Variants in SHANK2 observed in about 807,000 individuals in gnomAD.
The protein encoded by SHANK2 is SH3 and multiple ankyrin repeat domains 2.
SHANK2 carries 43 observed loss-of-function variants against 133.7 expected under a neutral mutation model. The ratio of observed to expected loss-of-function variants is 0.32; its 90% CI spans 0.25 to 0.41. The LOEUF is 0.41. Among genes scored for constraint, SHANK2 ranks in the 10% least tolerant of loss-of-function variants. SHANK2 has a pLI of 1.00. For synonymous variants in SHANK2, 1,017 were observed against 952.8 expected (o/e 1.07, Z -1.24); for missense variants, 1,994 against 2,235.8 (o/e 0.89, Z 2.18).
chr11:71,090,102 TG>T (rs1951480389), intron 8 of SHANK2, among the ~76,000 whole-genome samples: 2 of 151,306 alleles, frequency 1.3e-5, no homozygotes, highest in Admixed American at 1.3e-4. Flanking sequence ...TGTGTGTGTG[TG>T]TGTGTGTGTG....
At chr11:70,746,988 C>T (rs1946653082) in intron 14 of SHANK2, among the ~76,000 whole-genome samples, 1 of 145,728 alleles carries the variant, frequency 6.9e-6, no homozygotes, top group South Asian at 2.3e-4. Context: ...TCCCTCCATC[C>T]CTGCACCCCC....
intron 10 of SHANK2, among the ~76,000 whole-genome samples, chr11:70,918,523 G>C (rs1354058884): frequency 2.0e-5 from 3 of 152,086 alleles, no homozygotes; most frequent in Non-Finnish European, 4.4e-5. Flanking sequence ...ATTTTTTTGA[G>C]ACAGAGTGTT....
At chr11:71,215,051 G>A (rs1210115860) in intron 2 of SHANK2, among the ~76,000 whole-genome samples, 1 of 152,158 alleles carries the variant, frequency 6.6e-6, no homozygotes. Context: ...CCCTTCAGCG[G>A]ACAGCTCCCT....
rs34452642 is a variant in SHANK2, at chr11:70,492,787, G to GTTTTTTTTTT, written c.2309-332_2309-323dup. Among the ~76,000 whole-genome samples, 3 of 70,594 alleles carry GTTTTTTTTTT rather than the reference G, an allele frequency of 4.2e-5. 1 individual carries two copies. Among genetic ancestry groups the GTTTTTTTTTT allele is most frequent in the East Asian group, 1.0e-3 (2 of 2,002 alleles). The allele number at this position is 70,594 out of a possible 152,430, so 46.3% of individuals were successfully genotyped here. ...TTTCTGTTTTTTGGGACATTTCTGT[G>GTTTTTTTTTT]TTTTTTTTTTTTTTTTTTTTTTTTT... On this transcript the variant is annotated intron_variant, in intron 21 of 25. Coordinates refer to ENST00000601538, the MANE Select transcript of SHANK2 (RefSeq NM_012309.5).
At chr11:70,556,457 C>G (rs2059831913) in intron 17 of SHANK2, among the ~76,000 whole-genome samples, 1 of 151,456 alleles carries the variant, frequency 6.6e-6, no homozygotes, top group Non-Finnish European at 1.5e-5. Flanking sequence ...GCTCTGTTGC[C>G]CAGGCTGGGT....
chr11:70,832,236 T>A (rs925731221), intron 11 of SHANK2, among the ~76,000 whole-genome samples: 2 of 152,340 alleles, frequency 1.3e-5, no homozygotes, highest in South Asian at 4.1e-4. Flanking sequence ...CGGTGATCCC[T>A]GAATGAATAC....
intron 11 of SHANK2, among the ~76,000 whole-genome samples, chr11:70,840,711 C>A (rs1308597138): frequency 2.0e-5 from 3 of 152,142 alleles, no homozygotes; most frequent in African/African-American, 7.2e-5. Flanking sequence ...GAAGTGGGAG[C>A]CTGGGGAGGG....
intron 11 of SHANK2, among the ~76,000 whole-genome samples, chr11:70,842,816 G>A (rs782729095): frequency 7.9e-5 from 12 of 152,336 alleles, no homozygotes; most frequent in Middle Eastern, 3.4e-3. Context: ...AGAGACGGCC[G>A]AGGTGAAGCT....
chr11:71,167,944 C>CG (rs1953211082), intron 2 of SHANK2, among the ~76,000 whole-genome samples: 1 of 146,264 alleles, frequency 6.8e-6, no homozygotes, highest in African/African-American at 2.6e-5. Context: ...ACCTCCCTGC[C>CG]GGACGAGGTG....
intron 6 of SHANK2, among the ~76,000 whole-genome samples, chr11:71,098,809 G>C (rs1369623405): frequency 6.6e-6 from 1 of 152,058 alleles, no homozygotes; most frequent in Non-Finnish European, 1.5e-5. Context: ...GTCCTCAGGG[G>C]GTGATGCGTA....
chr11:70,765,235 C>T (rs1191020953), intron 14 of SHANK2, among the ~76,000 whole-genome samples: 1 of 152,178 alleles, frequency 6.6e-6, no homozygotes, highest in African/African-American at 2.4e-5. Context: ...GATATGCATG[C>T]AATTCAGGTC....
intron 10 of SHANK2, among the ~76,000 whole-genome samples, chr11:70,913,932 C>A (rs1413755192): frequency 6.6e-6 from 1 of 152,220 alleles, no homozygotes; most frequent in African/African-American, 2.4e-5. Flanking sequence ...TGCCACACTT[C>A]ATTAGGGAAA....
chr11:70,793,376 G>A (rs1480165822), intron 14 of SHANK2, among the ~76,000 whole-genome samples: 4 of 152,170 alleles, frequency 2.6e-5, no homozygotes, highest in South Asian at 2.1e-4. Context: ...CAATCCCCAC[G>A]TATACTGAGA....
At chr11:71,194,819 C>T (rs1953866149) in intron 2 of SHANK2, among the ~76,000 whole-genome samples, 2 of 152,202 alleles carry the variant, frequency 1.3e-5, no homozygotes, top group Admixed American at 1.3e-4. Context: ...CTGCAAATCA[C>T]AGAAGACCTG....
chr11:70,833,090 G>A (rs1555059030), intron 11 of SHANK2, among the ~76,000 whole-genome samples: 1 of 152,258 alleles, frequency 6.6e-6, no homozygotes, highest in African/African-American at 2.4e-5. Flanking sequence ...CCCAGCTGCT[G>A]TGGTTTCGAG....
chr11:70,595,937 C>T (rs60890724), intron 17 of SHANK2, among the ~76,000 whole-genome samples: 29,193 of 152,160 alleles, frequency 0.19, 3,133 homozygotes, highest in East Asian at 0.41. Flanking sequence ...GAAAACAGAG[C>T]GGGGTTTCAG....
At chr11:70,723,152 C>T (rs1555029627) in intron 14 of SHANK2, among the ~76,000 whole-genome samples, 1 of 152,190 alleles carries the variant, frequency 6.6e-6, no homozygotes, top group Non-Finnish European at 1.5e-5. Context: ...TGATGTGATT[C>T]TCTCCCAATG....
chr11:71,190,328 C>A (rs1555115160), intron 2 of SHANK2, among the ~76,000 whole-genome samples: 1 of 152,210 alleles, frequency 6.6e-6, no homozygotes, highest in African/African-American at 2.4e-5. Context: ...TTGTGTTCTC[C>A]TTCCAAGTAA....
intron 12 of SHANK2, among the ~76,000 whole-genome samples, chr11:70,809,504 G>C (rs1227021854): frequency 2.6e-5 from 4 of 152,164 alleles, no homozygotes; most frequent in Non-Finnish European, 4.4e-5. Context: ...CTTATAGTTT[G>C]CTCTGTGCTT....
Sources: gnomAD v4.1 joint callset for allele counts (sites outside exome capture counted in the v4.1 genomes callset) on GRCh38, gnomAD v4.1.1 for gene constraint, MANE v1.5 for transcripts, NCBI Gene and HGNC (gene_info 2026-07-23, HGNC 2026-07-21) for gene names.